ARHGAP25: variants seen among roughly 807,000 people sequenced by gnomAD.
The protein encoded by ARHGAP25 is Rho GTPase activating protein 25.
ARHGAP25 carries 34 observed loss-of-function variants against 71.0 expected under a neutral mutation model. The ratio of observed to expected loss-of-function variants is 0.48; its 90% confidence interval spans 0.36 to 0.64. ARHGAP25 has a LOEUF of 0.64. ARHGAP25 is among the 30% of genes least tolerant of loss of function. ARHGAP25 has a pLI of 0.00. For synonymous variants in ARHGAP25, 282 were observed against 296.5 expected, an observed-to-expected ratio of 0.95 and a Z score of 0.50; for missense variants, 706 against 805.1, an observed-to-expected ratio of 0.88 and a Z score of 1.49.
At chr2:68,801,920 AT>A (rs1679993420) in intron 4 of ARHGAP25, among the ~76,000 whole-genome samples, 1 of 152,030 alleles carries the variant, frequency 6.6e-6, no homozygotes, top group African/African-American at 2.4e-5. Context: ...AGCAAAAACC[AT>A]TTTTCATTCT....
intron 2 of ARHGAP25, among the ~76,000 whole-genome samples, 192 bp from the exon 3 acceptor site, chr2:68,782,041 A>G (rs1456672289): frequency 2.0e-5 from 3 of 152,152 alleles, no homozygotes; most frequent in Non-Finnish European, 2.9e-5. Flanking sequence ...TTTGCTCTGG[A>G]ATAGCTGCCC....
chr2:68,782,171 A>G lies in ARHGAP25; in HGVS notation c.262-62A>G, dbSNP rs951255908. On this transcript the variant is annotated intron_variant, in intron 2 of 10. Transcript: ENST00000409202. ...CCATCATTATCCTATCTGTTGTCCAACCCAATTTTAGTTTATATTAAATTG... is the reference window on the plus strand; with the variant it reads ...CCATCATTATCCTATCTGTTGTCCAGCCCAATTTTAGTTTATATTAAATTG... 2.8e-6 allele frequency: 4 copies of G among 1,441,346 alleles called. No homozygotes were observed. The African/African-American group carries it at 5.6e-5, about 20-fold the overall frequency. The allele number at this position is 1,441,346 out of a possible 1,614,324, so 89.3% of individuals were successfully genotyped here. A position where few individuals can be genotyped will look rare whatever the true frequency, so the allele number is the denominator to read the frequency against.
At chr2:68,784,773 A>G (rs1249608184) in intron 3 of ARHGAP25, among the ~76,000 whole-genome samples, 1 of 152,252 alleles carries the variant, frequency 6.6e-6, no homozygotes, top group Non-Finnish European at 1.5e-5. Context: ...AGCAGCCTGC[A>G]TGCACGTTAC....
chr2:68,769,012 A>T (rs1358329229), intron 1 of ARHGAP25, among the ~76,000 whole-genome samples: 1 of 152,214 alleles, frequency 6.6e-6, no homozygotes, highest in Non-Finnish European at 1.5e-5. Context: ...CTACCTTACC[A>T]GAGCCACTCA....
In ARHGAP25 at chr2:68,782,368, C is replaced by T. The variant is rs761575921; in HGVS notation, c.349+48C>T. ...GAGGTGCAGTGCAGAAGTAAAATTC[C>T]CATTTTACTTCTGGACCCTAGAAGT... On this transcript the variant is annotated intron_variant, in intron 3 of 10. Transcript: ENST00000409202. The T allele has an allele frequency of 6.5e-6, 10 of 1,532,690 alleles. No individual in the cohort carries two copies. The Admixed American group carries it at 1.7e-4, about 26-fold the overall frequency. 94.9% of individuals were successfully genotyped at this position (1,532,690 alleles called of 1,614,324 possible). A position where few individuals can be genotyped will look rare whatever the true frequency, so the allele number is the denominator to read the frequency against.
chr2:68,781,410 A>T (rs998322534), intron 2 of ARHGAP25, among the ~76,000 whole-genome samples: 1 of 152,208 alleles, frequency 6.6e-6, no homozygotes, highest in Non-Finnish European at 1.5e-5. Context: ...CAAAAGAATT[A>T]TCCCAAGTGA....
intron 1 of ARHGAP25, among the ~76,000 whole-genome samples, chr2:68,743,237 C>T (rs540286925): frequency 6.6e-6 from 1 of 152,344 alleles, no homozygotes; most frequent in Admixed American, 6.5e-5. Context: ...CCATCTCCTA[C>T]TGTCATGCGT....
intron 9 of ARHGAP25, chr2:68,819,552 G>A (rs1215592537): frequency 8.8e-6 from 6 of 679,750 alleles, no homozygotes; most frequent in Non-Finnish European, 1.6e-5. Flanking sequence ...ATCACCCAGT[G>A]ACTGAGCAAT....
At chr2:68,714,258 T>C (rs1674558030) in intron 2 of ARHGAP25, among the ~76,000 whole-genome samples, 1 of 152,232 alleles carries the variant, frequency 6.6e-6, no homozygotes, top group Non-Finnish European at 1.5e-5. Flanking sequence ...CTAGATTTTC[T>C]AGTTTATTTG....
upstream of ARHGAP25, among the ~76,000 whole-genome samples, chr2:68,730,693 C>G (rs1675001655): frequency 6.6e-6 from 1 of 152,032 alleles, no homozygotes; most frequent in Admixed American, 6.5e-5. Flanking sequence ...AGAGTCCAAC[C>G]CTTCAGCAAG....
At chr2:68,778,028 G>A (rs34746174) in intron 2 of ARHGAP25, among the ~76,000 whole-genome samples, 1 of 151,868 alleles carries the variant, frequency 6.6e-6, no homozygotes, top group Admixed American at 6.6e-5. Context: ...ATAATTCTTA[G>A]TTATGTCAAA....
intron 2 of ARHGAP25, among the ~76,000 whole-genome samples, chr2:68,720,650 A>C (rs1248714023): frequency 6.6e-6 from 1 of 152,212 alleles, no homozygotes; most frequent in African/African-American, 2.4e-5. Context: ...AGGTGATCCC[A>C]GTAGATTCCT....
chr2:68,806,516 T>C (rs552783126), intron 4 of ARHGAP25, among the ~76,000 whole-genome samples: 2 of 152,198 alleles, frequency 1.3e-5, no homozygotes, highest in Non-Finnish European at 2.9e-5. Flanking sequence ...TTCAGTCTTA[T>C]AACTGAGACA....
At position 68,735,095 on chromosome 2, in the gene ARHGAP25, A is replaced by G; in HGVS notation, c.-105A>G. The G allele has an allele frequency of 2.0e-6, 2 of 1,008,952 alleles. No homozygotes were observed. Among genetic ancestry groups the G allele is most frequent in the Non-Finnish European group, 3.2e-6 (2 of 631,390 alleles). 62.5% of individuals were successfully genotyped at this position (1,008,952 alleles called of 1,614,324 possible). On this transcript the variant is annotated 5_prime_UTR_variant, in exon 1 of 11. Transcript: ENST00000409202. ...GCTTGTGAAGCAATCATAAGGAGGA[A>G]CAAAAACAGACACAAAAACAGAGGG...
intron 4 of ARHGAP25, among the ~76,000 whole-genome samples, chr2:68,793,114 A>G (rs969254534): frequency 1.3e-5 from 2 of 151,816 alleles, no homozygotes; most frequent in Non-Finnish European, 2.9e-5. Context: ...CCACTTTTTA[A>G]TGGGGTTATT....
Position 68,735,143 on chromosome 2 carries a change from G to T in ARHGAP25, c.-57G>T. On this transcript the variant is annotated 5_prime_UTR_variant, in exon 1 of 11. Coordinates refer to ENST00000409202, the MANE Select transcript of ARHGAP25 (RefSeq NM_001007231.3). ...GGGAAAGAGTGAAAAGACAAGAAGG[G>T]CGCAAACTGTGACAGACTCACCGCT... is the stretch of plus-strand genomic sequence containing the variant. 1 of 1,419,350 alleles carries T rather than the reference G, an allele frequency of 7.0e-7. No individual in the cohort carries two copies. Among genetic ancestry groups the T allele is most frequent in the Non-Finnish European group, 1.0e-6 (1 of 1,002,730 alleles). 87.9% of individuals were successfully genotyped at this position (1,419,350 alleles called of 1,614,324 possible).
intron 4 of ARHGAP25, among the ~76,000 whole-genome samples, chr2:68,797,455 A>G (rs572637116): frequency 6.6e-5 from 10 of 152,156 alleles, no homozygotes; most frequent in Non-Finnish European, 8.8e-5. Flanking sequence ...CTAGTCCACA[A>G]CTCAGTCCTA....
chr2:68,794,585 T>C (rs1333915102), intron 4 of ARHGAP25, among the ~76,000 whole-genome samples: 1 of 152,196 alleles, frequency 6.6e-6, no homozygotes, highest in Admixed American at 6.5e-5. Flanking sequence ...GATTTGTGTA[T>C]ATTGAATCAT....
chr2:68,820,186 C>T (rs1037234467), intron 9 of ARHGAP25, among the ~76,000 whole-genome samples: 35 of 152,300 alleles, frequency 2.3e-4, no homozygotes, highest in African/African-American at 8.4e-4. Context: ...CTTCATGTAA[C>T]AAGATCATCC....
Sources: allele counts gnomAD v4.1 joint callset (sites outside exome capture counted in the v4.1 genomes callset), GRCh38; gene constraint gnomAD v4.1.1; transcripts MANE v1.5; gene names NCBI Gene and HGNC (gene_info 2026-07-23, HGNC 2026-07-21).